Variants in PTPRD observed in about 807,000 individuals in gnomAD.
The protein encoded by PTPRD is receptor-type tyrosine-protein phosphatase delta.
A neutral mutation model predicts 214.5 loss-of-function variants in PTPRD; 34 were observed. The ratio of observed to expected loss-of-function variants is 0.16; its 90% CI spans 0.12 to 0.21. The LOEUF (loss-of-function observed/expected upper bound fraction) is 0.21, where lower values mean the gene tolerates loss of function less well. Among genes scored for constraint, PTPRD ranks in the 10% least tolerant of loss-of-function variants. The probability of loss-of-function intolerance (pLI) is 1.00; values close to 1 mark genes in which losing one functional copy is unlikely to be tolerated. For missense variants in PTPRD, 2,545 were observed against 2,398.7 expected (o/e 1.06, Z -1.27); for synonymous variants, 1,128 against 845.7 (o/e 1.33, Z -5.79).
intron 5 of PTPRD, among the ~76,000 whole-genome samples, chr9:9,859,674 A>C (rs1218315545): frequency 2.0e-5 from 3 of 152,282 alleles, no homozygotes; most frequent in African/African-American, 7.2e-5. Flanking sequence ...TAATACAACA[A>C]TTCTGTGAAC....
chr9:8,688,363 G>C (rs151077932), intron 12 of PTPRD, among the ~76,000 whole-genome samples: 2 of 151,962 alleles, frequency 1.3e-5, no homozygotes, highest in African/African-American at 4.8e-5. Flanking sequence ...TCAGGAGATC[G>C]AGACTATCCT....
chr9:9,237,430 T>C (rs1247095033), intron 9 of PTPRD, among the ~76,000 whole-genome samples: 1 of 152,010 alleles, frequency 6.6e-6, no homozygotes, highest in Non-Finnish European at 1.5e-5. Flanking sequence ...ACCCTATCTT[T>C]ACAACAACAC....
chr9:9,159,313 T>C (rs1592641418), intron 10 of PTPRD, among the ~76,000 whole-genome samples: 1 of 152,280 alleles, frequency 6.6e-6, no homozygotes, highest in East Asian at 1.9e-4. Flanking sequence ...AGAGACTATC[T>C]GCTGAAGACT....
At chr9:10,502,766 C>T (rs537707174) in intron 2 of PTPRD, among the ~76,000 whole-genome samples, 1 of 152,036 alleles carries the variant, frequency 6.6e-6, no homozygotes, top group African/African-American at 2.4e-5. Flanking sequence ...AGCAAAGAAA[C>T]CAGTTGACCC....
intron 36 of PTPRD, among the ~76,000 whole-genome samples, chr9:8,399,096 C>CTT (rs371669292): frequency 0.17 from 22,738 of 137,686 alleles, 2,552 homozygotes; most frequent in Middle Eastern, 0.24. Context: ...GCCCACTAAG[C>CTT]TTTTTTTTTT....
chr9:9,123,321 C>T (rs1318107298), intron 10 of PTPRD, among the ~76,000 whole-genome samples: 1 of 152,178 alleles, frequency 6.6e-6, no homozygotes, highest in African/African-American at 2.4e-5. Context: ...AGCACCATTT[C>T]CCCTTCAGCA....
chr9:8,783,675 T>C (rs370383049), intron 11 of PTPRD, among the ~76,000 whole-genome samples: 1 of 152,180 alleles, frequency 6.6e-6, no homozygotes, highest in Non-Finnish European at 1.5e-5. Flanking sequence ...GGCCACTGCT[T>C]TGGTTTCCCA....
At chr9:10,114,637 T>C (rs897495296) in intron 3 of PTPRD, among the ~76,000 whole-genome samples, 1 of 152,088 alleles carries the variant, frequency 6.6e-6, no homozygotes, top group South Asian at 2.1e-4. Flanking sequence ...TTTGCAGATA[T>C]GAAATATAAG....
Position 9,502,935 on chromosome 9 carries a change from T to C in PTPRD, c.-237+71797A>G, listed in dbSNP as rs1263667746. Among the ~76,000 whole-genome samples, 2 of 151,880 alleles carry C rather than the reference T, an allele frequency of 1.3e-5. 1 individual carries two copies. Among genetic ancestry groups the C allele is most frequent in the South Asian group, 4.1e-4 (2 of 4,828 alleles). ...GCCTTCACAGTGGGATTAGATTGAC[T>C]GCAAAGGAGTTAAAGTAATCTTTCT... On this transcript the variant is annotated intron_variant, in intron 8 of 45. Coordinates refer to ENST00000381196, the MANE Select transcript of PTPRD (RefSeq NM_002839.4).
intron 12 of PTPRD, among the ~76,000 whole-genome samples, chr9:8,673,478 TAAAAG>T (rs1306283832): frequency 1.3e-5 from 2 of 152,144 alleles, no homozygotes; most frequent in African/African-American, 2.4e-5. Flanking sequence ...TTTCCTACTA[TAAAAG>T]AAAATATGAA....
intron 8 of PTPRD, among the ~76,000 whole-genome samples, chr9:9,522,157 C>CAAAAAAAA (rs770450649): frequency 4.9e-5 from 2 of 40,450 alleles, no homozygotes; most frequent in Non-Finnish European, 1.1e-4. Flanking sequence ...ATCTCCATCT[C>CAAAAAAAA]AAAAAAAAAA....
At chr9:9,824,883 G>T (rs2052154616) in intron 5 of PTPRD, among the ~76,000 whole-genome samples, 2 of 152,032 alleles carry the variant, frequency 1.3e-5, no homozygotes, top group East Asian at 1.9e-4. Flanking sequence ...AAAAATGAAA[G>T]GCCCAGATAA....
At chr9:9,627,180 A>T (rs1196526085) in intron 7 of PTPRD, among the ~76,000 whole-genome samples, 1 of 152,050 alleles carries the variant, frequency 6.6e-6, no homozygotes. Flanking sequence ...CCAGGTGTAC[A>T]TCTGTAGTCC....
At chr9:10,548,435 A>G (rs997905073) in intron 2 of PTPRD, among the ~76,000 whole-genome samples, 3 of 152,114 alleles carry the variant, frequency 2.0e-5, no homozygotes, top group African/African-American at 7.2e-5. Flanking sequence ...TATGGCATCA[A>G]TCACTATAGG....
chr9:8,816,056 A>C (rs2096912937), intron 11 of PTPRD, among the ~76,000 whole-genome samples: 1 of 152,168 alleles, frequency 6.6e-6, no homozygotes, highest in African/African-American at 2.4e-5. Flanking sequence ...ATTCCAGAAT[A>C]CCAAACCACT....
chr9:9,016,744 T>A (rs2099537046), intron 11 of PTPRD, among the ~76,000 whole-genome samples: 1 of 152,162 alleles, frequency 6.6e-6, no homozygotes. Flanking sequence ...TGGCTTCACT[T>A]GCAGGGAGCT....
chr9:8,775,129 T>C (rs2095417712), intron 11 of PTPRD, among the ~76,000 whole-genome samples: 1 of 152,184 alleles, frequency 6.6e-6, no homozygotes, highest in African/African-American at 2.4e-5. Context: ...AATCAATTAA[T>C]TGTATTGGTA....
rs1175386586 is a variant in PTPRD at position 8,917,271 on chromosome 9, G to A, written c.-104+101426C>T. ...AGCCTCCCGAGTAGCTGGGATTACA[G>A]GTGCCCACCACCAGCCCAGCTAATT... On this transcript the variant is annotated intron_variant, in intron 11 of 45. Transcript: ENST00000381196. Among the ~76,000 whole-genome samples, 10 of 147,432 alleles carry A rather than the reference G, an allele frequency of 6.8e-5. No individual in the cohort carries two copies. In the East Asian group the frequency reaches 2.0e-3, roughly 29 times the overall value.
intron 2 of PTPRD, among the ~76,000 whole-genome samples, chr9:10,515,200 C>A (rs963523683): frequency 7.0e-4 from 107 of 152,130 alleles, no homozygotes; most frequent in African/African-American, 2.6e-3. Flanking sequence ...GCAAGTATAA[C>A]TTCAACAGAT....
Sources: allele counts gnomAD v4.1 joint callset (sites outside exome capture counted in the v4.1 genomes callset), GRCh38; gene constraint gnomAD v4.1.1; transcripts MANE v1.5; gene names NCBI Gene and HGNC (gene_info 2026-07-23, HGNC 2026-07-21).